Variants in TXNRD3 observed in about 807,000 individuals in gnomAD.
TXNRD3 encodes thioredoxin reductase 3, also known as TXNRD3 neighbor gene protein.
Under a neutral mutation model 78.2 loss-of-function variants are expected in TXNRD3, and 68 were observed. That is an observed-to-expected ratio of 0.87 (90% CI 0.72 to 1.06). The LOEUF is 1.06. Ranked by LOEUF, TXNRD3 falls within the 50% of genes least tolerant of loss-of-function variation. The pLI is 0.00. For missense variants in TXNRD3, 751 were observed against 809.5 expected (o/e 0.93, Z 0.88); for synonymous variants, 296 against 300.1 (o/e 0.99, Z 0.14).
At chr3:126,631,530 G>A (rs2077590143) in intron 8 of TXNRD3, among the ~76,000 whole-genome samples, 1 of 151,740 alleles carries the variant, frequency 6.6e-6, no homozygotes, top group African/African-American at 2.4e-5. Context: ...GCTACTTCTA[G>A]GAATCACCGA....
At chr3:126,619,204 A>G (rs1015861648) in intron 12 of TXNRD3, among the ~76,000 whole-genome samples, 1 of 152,198 alleles carries the variant, frequency 6.6e-6, no homozygotes. Flanking sequence ...CAGCAATCCC[A>G]GTACTAATAT....
At chr3:126,622,671 G>T (rs1162780321) in intron 10 of TXNRD3, 131 bp from the exon 11 acceptor site, 1 of 670,068 alleles carries the variant, frequency 1.5e-6, no homozygotes, top group African/African-American at 1.8e-5. Flanking sequence ...CAATAAAGCT[G>T]ACAGCTTAAG....
chr3:126,636,430 A>AC (rs1223571878), intron 6 of TXNRD3, among the ~76,000 whole-genome samples: 1 of 152,128 alleles, frequency 6.6e-6, no homozygotes, highest in African/African-American at 2.4e-5. Context: ...TAATTAAAAT[A>AC]CCCCAAGTTC....
chr3:126,618,880 AAAAG>A (rs1414107533), intron 12 of TXNRD3, among the ~76,000 whole-genome samples: 1 of 151,594 alleles, frequency 6.6e-6, no homozygotes. Context: ...AAAAAAAAAA[AAAAG>A]AATTTGATTT....
At chr3:126,620,294 C>CAAAA (rs10539573) in intron 12 of TXNRD3, among the ~76,000 whole-genome samples, 5 of 99,514 alleles carry the variant, frequency 5.0e-5, no homozygotes, top group African/African-American at 1.6e-4. Flanking sequence ...GACTCTGTCT[C>CAAAA]AAAAAAAAAA....
At chr3:126,620,271 G>A (rs911594132) in intron 12 of TXNRD3, among the ~76,000 whole-genome samples, 2 of 147,712 alleles carry the variant, frequency 1.4e-5, no homozygotes, top group Admixed American at 1.4e-4. Context: ...CTCCAGCCTG[G>A]GCGGCAGAGC....
At chr3:126,611,381 T>C (rs140374193) in intron 13 of TXNRD3, among the ~76,000 whole-genome samples, 2 of 152,262 alleles carry the variant, frequency 1.3e-5, no homozygotes, top group Non-Finnish European at 2.9e-5. Flanking sequence ...ACAAACAAAA[T>C]TCAGTTTTCA....
At chr3:126,646,855 T>C (rs1933246418) in intron 2 of TXNRD3, among the ~76,000 whole-genome samples, 1 of 152,214 alleles carries the variant, frequency 6.6e-6, no homozygotes, top group African/African-American at 2.4e-5. Flanking sequence ...TTCAAAAGTA[T>C]AAAGCTAAAA....
In TXNRD3 at chr3:126,607,908, G is replaced by C. The variant is rs1938087632; in HGVS notation, c.1929C>G (p.Gly643=). Reference sequence around the variant, plus strand: ...GGAGAACTAAACAGCAGCAGGCCTAGCCTCAGCAGCCTTTCTGAGTGATGT... The same window carrying C: ...GGAGAACTAAACAGCAGCAGGCCTACCCTCAGCAGCCTTTCTGAGTGATGT... Residue 643 remains glycine (G), a synonymous_variant, in exon 16 of 16, where the codon GGC becomes GGG. Coordinates refer to ENST00000524230, the MANE Select transcript of TXNRD3 (RefSeq NM_052883.3). 1 of 1,513,932 alleles carries C rather than the reference G, an allele frequency of 6.6e-7. No homozygotes were observed. 93.8% of individuals were successfully genotyped at this position (1,513,932 alleles called of 1,614,324 possible). A position where few individuals can be genotyped will look rare whatever the true frequency, so the allele number is the denominator to read the frequency against.
intron 3 of TXNRD3, among the ~76,000 whole-genome samples, 165 bp downstream of exon 3, chr3:126,645,946 C>A (rs2107627635): frequency 6.6e-6 from 1 of 152,326 alleles, no homozygotes; most frequent in Non-Finnish European, 1.5e-5. Flanking sequence ...GGCAGAAAAG[C>A]TAATTTCCCT....
intron 10 of TXNRD3, among the ~76,000 whole-genome samples, chr3:126,628,349 A>G (rs1435007136): frequency 1.3e-5 from 2 of 152,122 alleles, no homozygotes; most frequent in Admixed American, 6.5e-5. Context: ...ATGCATTTAT[A>G]CAAGAAAAAA....
At chr3:126,650,078 A>G (rs1288201015) in intron 1 of TXNRD3, among the ~76,000 whole-genome samples, 2 of 152,262 alleles carry the variant, frequency 1.3e-5, no homozygotes, top group African/African-American at 4.8e-5. Flanking sequence ...GTAATTCACA[A>G]ATGTATGAAT....
chr3:126,653,356 G>A (rs1933434246), intron 1 of TXNRD3, among the ~76,000 whole-genome samples: 1 of 152,068 alleles, frequency 6.6e-6, no homozygotes, highest in Admixed American at 6.5e-5. Context: ...GAATAAGTCA[G>A]TACAAACAAC....
At chr3:126,631,956 C>T (rs1467759481) in intron 7 of TXNRD3, 77 bp from the exon 8 acceptor site, 1 of 874,140 alleles carries the variant, frequency 1.1e-6, no homozygotes, top group Non-Finnish European at 1.8e-6. Flanking sequence ...AGTTACTACC[C>T]TCATGGAGCT....
intron 2 of TXNRD3, 101 bp from the exon 3 acceptor site, chr3:126,646,321 C>A: frequency 1.2e-6 from 1 of 848,664 alleles, no homozygotes; most frequent in Non-Finnish European, 1.7e-6. Context: ...CATGTACATA[C>A]TCATAACAGG....
chr3:126,615,477 A>C lies in TXNRD3; in HGVS notation c.1525-15T>G. 7.6e-7 allele frequency: 1 copy of C among 1,314,828 alleles called. No individual in the cohort carries two copies. The highest frequency in any genetic ancestry group is 1.4e-5 in the South Asian group (1 of 71,834). 81.4% of individuals were successfully genotyped at this position (1,314,828 alleles called of 1,614,324 possible). On this transcript the variant is annotated splice_polypyrimidine_tract_variant and intron_variant, in intron 12 of 15. Coordinates refer to ENST00000524230, the MANE Select transcript of TXNRD3 (RefSeq NM_052883.3). ...ATATAATCACACTGAAAGACAAACAAATTACATTGTCTTATTTTGTGAAAC... is the reference window on the plus strand; with the variant it reads ...ATATAATCACACTGAAAGACAAACACATTACATTGTCTTATTTTGTGAAAC...
Position 126,654,742 on chromosome 3 carries a change from G to T in TXNRD3, c.243+6C>A. 7.5e-7 allele frequency: 1 copy of T among 1,333,302 alleles called. No homozygotes were observed. The highest frequency in any genetic ancestry group is 9.6e-7 in the Non-Finnish European group (1 of 1,041,644). 82.6% of individuals were successfully genotyped at this position (1,333,302 alleles called of 1,614,324 possible). On this transcript the variant is annotated splice_donor_region_variant and intron_variant, in intron 1 of 15. Transcript: ENST00000524230. ...GCGCGGTGGAACCGGCGAGGGCCGC[G>T]CCTACCCGAGTACTATGGGGACAGT...
intron 6 of TXNRD3, among the ~76,000 whole-genome samples, chr3:126,634,607 G>A (rs1938807737): frequency 6.6e-6 from 1 of 152,270 alleles, no homozygotes; most frequent in Admixed American, 6.5e-5. Context: ...TCCTTTGGAA[G>A]GTGGGGCAGG....
At chr3:126,621,607 A>G in intron 12 of TXNRD3, 135 bp downstream of exon 12, 3 of 821,064 alleles carry the variant, frequency 3.7e-6, no homozygotes, top group Non-Finnish European at 5.4e-6. Context: ...TCCATTAGTA[A>G]ATAGTAAGTC....
Sources: gnomAD v4.1 joint callset for allele counts (sites outside exome capture counted in the v4.1 genomes callset) on GRCh38, gnomAD v4.1.1 for gene constraint, MANE v1.5 for transcripts, NCBI Gene and HGNC (gene_info 2026-07-23, HGNC 2026-07-21) for gene names.